The following CSNK1G1 variants were observed in gnomAD, a reference collection of about 807,000 sequenced individuals.
The protein encoded by CSNK1G1 is casein kinase I isoform gamma-1.
CSNK1G1 carries 22 observed loss-of-function variants against 59.6 expected under a neutral mutation model. The ratio of observed to expected loss-of-function variants is 0.37; its 90% CI spans 0.26 to 0.53. The LOEUF (loss-of-function observed/expected upper bound fraction) is 0.53, where lower values mean the gene tolerates loss of function less well. Ranked by LOEUF, CSNK1G1 falls within the 20% of genes least tolerant of loss-of-function variation. CSNK1G1 has a pLI of 0.89. For missense variants in CSNK1G1, 384 were observed against 519.5 expected, an observed-to-expected ratio of 0.74 and a Z score of 2.54; for synonymous variants, 179 against 177.1, an observed-to-expected ratio of 1.01 and a Z score of -0.08.
intron 1 of CSNK1G1, among the ~76,000 whole-genome samples, chr15:64,339,886 T>A (rs1270737134): frequency 6.6e-6 from 1 of 152,206 alleles, no homozygotes; most frequent in African/African-American, 2.4e-5. Context: ...TTTCAAACTC[T>A]CACAGAGTAT....
intron 1 of CSNK1G1, among the ~76,000 whole-genome samples, chr15:64,345,849 T>C (rs1209491413): frequency 1.3e-5 from 2 of 152,160 alleles, no homozygotes; most frequent in Non-Finnish European, 2.9e-5. Flanking sequence ...TGGAGTGCAG[T>C]GGCACAATCT....
At chr15:64,217,815 C>CAA (rs756842772) in intron 4 of CSNK1G1, among the ~76,000 whole-genome samples, 23 of 85,824 alleles carry the variant, frequency 2.7e-4, no homozygotes, top group African/African-American at 3.8e-4. Context: ...GACTCCATCT[C>CAA]AAAAAAAAAA....
chr15:64,179,823 A>G (rs1461986580), intron 11 of CSNK1G1, among the ~76,000 whole-genome samples: 1 of 152,204 alleles, frequency 6.6e-6, no homozygotes, highest in Non-Finnish European at 1.5e-5. Context: ...TATGACTTCC[A>G]TTCTTTTCCC....
chr15:64,340,863 G>A (rs1897647255), intron 1 of CSNK1G1, among the ~76,000 whole-genome samples: 1 of 152,144 alleles, frequency 6.6e-6, no homozygotes, highest in African/African-American at 2.4e-5. Context: ...AGGCTGAGGT[G>A]GGAGGATCAC....
chr15:64,253,323 C>T (rs182451452), intron 3 of CSNK1G1, among the ~76,000 whole-genome samples: 10 of 152,114 alleles, frequency 6.6e-5, no homozygotes, highest in East Asian at 3.9e-4. Flanking sequence ...CCAGCCTGGG[C>T]GACAGAGTGA....
intron 2 of CSNK1G1, among the ~76,000 whole-genome samples, chr15:64,286,862 C>G (rs1241878133): frequency 6.6e-6 from 1 of 152,088 alleles, no homozygotes; most frequent in East Asian, 1.9e-4. Context: ...CTCCTCACCC[C>G]CTGGAAAATC....
intron 4 of CSNK1G1, among the ~76,000 whole-genome samples, chr15:64,232,885 G>A (rs925089706): frequency 6.6e-6 from 1 of 152,134 alleles, no homozygotes; most frequent in African/African-American, 2.4e-5. Context: ...AGAATTAAAG[G>A]GAGAAAATAG....
At chr15:64,217,268 T>G (rs1429365844) in intron 4 of CSNK1G1, among the ~76,000 whole-genome samples, 1 of 152,176 alleles carries the variant, frequency 6.6e-6, no homozygotes, top group Non-Finnish European at 1.5e-5. Flanking sequence ...TCTATAGTTT[T>G]TTGTTTTTTA....
At chr15:64,305,678 C>G (rs940895229) in intron 1 of CSNK1G1, among the ~76,000 whole-genome samples, 1 of 134,490 alleles carries the variant, frequency 7.4e-6, no homozygotes, top group African/African-American at 2.8e-5. Flanking sequence ...ATGATAGTGC[C>G]AGTATGACCC....
intron 2 of CSNK1G1, among the ~76,000 whole-genome samples, chr15:64,293,360 T>C (rs1488428153): frequency 6.6e-6 from 1 of 152,222 alleles, no homozygotes; most frequent in Non-Finnish European, 1.5e-5. Context: ...TGTAAGTATG[T>C]TTAACTTCAC....
chr15:64,190,500 C>T (rs535290182), intron 10 of CSNK1G1, among the ~76,000 whole-genome samples: 8 of 152,242 alleles, frequency 5.3e-5, no homozygotes, highest in East Asian at 3.9e-4. Flanking sequence ...CCACAACCTC[C>T]GCCTCTCAGG....
At position 64,343,945 on chromosome 15, in the gene CSNK1G1, T is replaced by C. The variant is rs954722679; in HGVS notation, c.-225+12043A>G. On this transcript the variant is annotated intron_variant, in intron 1 of 11. Transcript: ENST00000303052. ...AAAGCCTTAAAATATTTCTAATCTA[T>C]TGAATTCAGCAAATTACATTCCTTT... 4.6e-5 allele frequency among the ~76,000 whole-genome samples: 7 copies of C among 152,132 alleles called. No homozygotes were observed. In the South Asian group the frequency reaches 1.0e-3, roughly 23 times the overall value.
chr15:64,181,644 G>A (rs962742367), intron 10 of CSNK1G1: 5 of 460,578 alleles, frequency 1.1e-5, no homozygotes, highest in Non-Finnish European at 1.9e-5. Flanking sequence ...TTGAACCCCA[G>A]CTCCACCAGT....
chr15:64,314,732 T>C (rs540362632), intron 1 of CSNK1G1, among the ~76,000 whole-genome samples: 3 of 152,344 alleles, frequency 2.0e-5, no homozygotes, highest in Admixed American at 6.5e-5. Flanking sequence ...GCGGTGTTTG[T>C]TTTTCTGTAC....
chr15:64,351,350 T>A (rs1362084942), intron 1 of CSNK1G1, among the ~76,000 whole-genome samples: 1 of 152,202 alleles, frequency 6.6e-6, no homozygotes, highest in Non-Finnish European at 1.5e-5. Context: ...TTCCCAATCT[T>A]TCCTAAAACT....
chr15:64,325,670 G>C (rs915516480), intron 1 of CSNK1G1, among the ~76,000 whole-genome samples: 5 of 151,884 alleles, frequency 3.3e-5, no homozygotes, highest in Non-Finnish European at 5.9e-5. Flanking sequence ...AATTTTTACA[G>C]TAATAAGACA....
intron 1 of CSNK1G1, among the ~76,000 whole-genome samples, chr15:64,343,126 C>T (rs928901176): frequency 1.1e-4 from 17 of 151,416 alleles, no homozygotes; most frequent in South Asian, 2.1e-4. Flanking sequence ...GCAGGAGAAT[C>T]GCTTGAACCC....
rs147290360 is a variant in CSNK1G1 at position 64,273,095 on chromosome 15, T to C, written c.182-13854A>G. Among the ~76,000 whole-genome samples the C allele has an allele frequency of 4.7e-3, 723 of 152,346 alleles. 4 individuals are homozygous for C. The highest frequency in any genetic ancestry group is 0.017 in the African/African-American group (703 of 41,578). ...ATCACAGTGTCCAAGAACCTATTGATGAAGTTAAGTGAGAACTTACTGCAC... is the reference window on the plus strand; with the variant it reads ...ATCACAGTGTCCAAGAACCTATTGACGAAGTTAAGTGAGAACTTACTGCAC... On this transcript the variant is annotated intron_variant, in intron 2 of 11. Coordinates refer to ENST00000303052, the MANE Select transcript of CSNK1G1 (RefSeq NM_022048.5).
At chr15:64,255,680 C>T (rs569728852) in intron 3 of CSNK1G1, among the ~76,000 whole-genome samples, 60 of 152,212 alleles carry the variant, frequency 3.9e-4, no homozygotes, top group Non-Finnish European at 8.8e-5. Context: ...CTCATTGGTC[C>T]TAGTTTTTAA....
Sources: gnomAD v4.1 joint callset for allele counts (sites outside exome capture counted in the v4.1 genomes callset) on GRCh38, gnomAD v4.1.1 for gene constraint, MANE v1.5 for transcripts, NCBI Gene and HGNC (gene_info 2026-07-23, HGNC 2026-07-21) for gene names.